Variants in NFIA observed in about 807,000 individuals in gnomAD.
NFIA encodes the protein nuclear factor I A, also known as nuclear factor 1 A-type.
NFIA carries 8 observed loss-of-function variants against 62.8 expected under a neutral mutation model. The observed-to-expected ratio is 0.13, with a 90% confidence interval of 0.07 to 0.23. The LOEUF (loss-of-function observed/expected upper bound fraction) is 0.23, where lower values mean the gene tolerates loss of function less well. Ranked by LOEUF, NFIA falls within the 10% of genes least tolerant of loss-of-function variation. NFIA has a pLI of 1.00. For synonymous variants in NFIA, 235 were observed against 238.1 expected (o/e 0.99, Z 0.12); for missense variants, 410 against 642.1 (o/e 0.64, Z 3.91).
intron 2 of NFIA, among the ~76,000 whole-genome samples, chr1:61,102,066 G>T (rs1204944197): frequency 6.6e-6 from 1 of 152,150 alleles, no homozygotes; most frequent in Non-Finnish European, 1.5e-5. Flanking sequence ...ATAGAGCACA[G>T]AACAAATTAT....
intron 2 of NFIA, among the ~76,000 whole-genome samples, chr1:61,141,383 C>T (rs1472590258): frequency 5.3e-5 from 8 of 150,694 alleles, no homozygotes; most frequent in African/African-American, 9.8e-5. Context: ...AACCAGAAAC[C>T]GGGCATCATC....
Position 61,359,883 on chromosome 1 carries a change from G to A in NFIA, c.946+609G>A, listed in dbSNP as rs372451510. On this transcript the variant is annotated intron_variant, in intron 6 of 10. Transcript: ENST00000403491. Reference sequence around the variant, plus strand: ...CCTGACCTTGTGATTCACCCACCTCGGCCTCCCAATTGTTTTTGTTTTTAT... The same window carrying A: ...CCTGACCTTGTGATTCACCCACCTCAGCCTCCCAATTGTTTTTGTTTTTAT... Among the ~76,000 whole-genome samples, 310 of 152,124 alleles carry A rather than the reference G, an allele frequency of 2.0e-3. 1 individual carries two copies. Among genetic ancestry groups the A allele is most frequent in the African/African-American group, 6.8e-3 (281 of 41,516 alleles).
At chr1:61,161,658 A>G (rs541548944) in intron 2 of NFIA, among the ~76,000 whole-genome samples, 3 of 151,952 alleles carry the variant, frequency 2.0e-5, no homozygotes, top group Non-Finnish European at 4.4e-5. Flanking sequence ...TGACTTTATG[A>G]TGAGTTTATC....
At chr1:61,396,360 C>T (rs1429542914) in intron 7 of NFIA, among the ~76,000 whole-genome samples, 1 of 152,110 alleles carries the variant, frequency 6.6e-6, no homozygotes, top group Non-Finnish European at 1.5e-5. Flanking sequence ...ATCCTCCCAC[C>T]TCAGCCTCCA....
intron 6 of NFIA, among the ~76,000 whole-genome samples, chr1:61,382,846 G>T (rs1331819376): frequency 6.6e-6 from 1 of 152,126 alleles, no homozygotes; most frequent in Non-Finnish European, 1.5e-5. Context: ...TCAAAGCAAG[G>T]TAACCAACAA....
upstream of NFIA, chr1:61,081,745 T>C: frequency 7.9e-6 from 7 of 888,684 alleles, no homozygotes; most frequent in South Asian, 1.2e-4. Flanking sequence ...CACTGATTCC[T>C]CACCACCCCC....
intron 2 of NFIA, among the ~76,000 whole-genome samples, chr1:61,190,996 A>G (rs140521132): frequency 2.7e-3 from 410 of 152,158 alleles, no homozygotes; most frequent in African/African-American, 9.2e-3. Flanking sequence ...TGACACCACA[A>G]TAAATTAAAG....
Position 61,088,277 on chromosome 1 carries a change from A to G in NFIA, c.156A>G (p.Glu52=). 6.2e-7 allele frequency: 1 copy of G among 1,613,720 alleles called. No homozygotes were observed. Among genetic ancestry groups the G allele is most frequent in the South Asian group, 1.1e-5 (1 of 91,054 alleles). ...KKHEKRMSKE[E]ERAVKDELLS... ...ATGAAAAGCGTATGTCAAAAGAAGA[A>G]GAGAGAGCCGTGAAGGATGAATTGC... Residue 52 remains glutamate (E), a synonymous_variant, in exon 2 of 11, where the codon GAA becomes GAG. Transcript: ENST00000403491. The surrounding 1 kb of genome is among the most constrained non-coding windows in gnomAD (Gnocchi z 4.5).
At chr1:61,311,827 T>A (rs1660134776) in intron 3 of NFIA, among the ~76,000 whole-genome samples, 1 of 152,188 alleles carries the variant, frequency 6.6e-6, no homozygotes, top group African/African-American at 2.4e-5. Flanking sequence ...GTCTTAACCG[T>A]TAATGTTTGA....
chr1:61,189,433 G>A (rs1163402230), intron 2 of NFIA, among the ~76,000 whole-genome samples: 2 of 152,152 alleles, frequency 1.3e-5, no homozygotes, highest in Non-Finnish European at 2.9e-5. Flanking sequence ...TTGGGAGGCC[G>A]AGGTGGGCTG....
At chr1:61,082,450 G>GCAGCTCGCGGGCACCCGGC, upstream of NFIA, 3 of 1,042,188 alleles carry the variant, frequency 2.9e-6, no homozygotes, top group Non-Finnish European at 3.5e-6. Context: ...GGGCGCGCGG[G>GCAGCTCGCGGGCACCCGGC]CAGCTCGCGG....
At chr1:61,281,996 CA>C (rs1047906978) in intron 3 of NFIA, among the ~76,000 whole-genome samples, 2 of 151,394 alleles carry the variant, frequency 1.3e-5, no homozygotes, top group Non-Finnish European at 1.5e-5. Flanking sequence ...AACAAACAAA[CA>C]AAAAAAACAA....
intron 8 of NFIA, among the ~76,000 whole-genome samples, chr1:61,405,565 G>C (rs1665774612): frequency 6.6e-6 from 1 of 152,124 alleles, no homozygotes; most frequent in Admixed American, 6.6e-5. Context: ...AATGTGAACT[G>C]TTGTCGTTGG....
At chr1:61,269,037 T>C (rs1412765887) in intron 2 of NFIA, among the ~76,000 whole-genome samples, 1 of 152,158 alleles carries the variant, frequency 6.6e-6, no homozygotes, top group Non-Finnish European at 1.5e-5. Context: ...TTTTAGCTGC[T>C]GATGCATACA....
intron 3 of NFIA, among the ~76,000 whole-genome samples, chr1:61,285,581 T>C (rs1361441519): frequency 6.6e-6 from 1 of 152,186 alleles, no homozygotes; most frequent in Non-Finnish European, 1.5e-5. Flanking sequence ...TTTTCTCTTC[T>C]TCAGGTTTTA....
intron 10 of NFIA, 141 bp downstream of exon 10, chr1:61,426,697 T>C: frequency 1.5e-6 from 1 of 674,304 alleles, no homozygotes; most frequent in African/African-American, 1.8e-5. Context: ...CCAGCCACAT[T>C]TCCATGTGTT....
intron 2 of NFIA, among the ~76,000 whole-genome samples, chr1:61,263,837 A>C (rs374472601): frequency 6.6e-6 from 1 of 152,136 alleles, no homozygotes; most frequent in Non-Finnish European, 1.5e-5. Flanking sequence ...TAAAAATACA[A>C]AAATTAGCTG....
intron 2 of NFIA, among the ~76,000 whole-genome samples, chr1:61,210,244 G>A (rs1004754113): frequency 6.6e-6 from 1 of 152,202 alleles, no homozygotes; most frequent in Non-Finnish European, 1.5e-5. Context: ...CAAAAGGAAG[G>A]TTGGTAAGCT....
Position 61,458,211 on chromosome 1 carries a change from G to GAAAAAAAAAAAAAAAAA in NFIA, c.*2902_*2903insAAAAAAAAAAAAAAAAA, listed in dbSNP as rs60042926. 2 of 134,508 alleles carry GAAAAAAAAAAAAAAAAA rather than the reference G, an allele frequency of 1.5e-5. No homozygotes were observed. Among genetic ancestry groups the GAAAAAAAAAAAAAAAAA allele is most frequent in the Non-Finnish European group, 1.6e-5 (1 of 60,670 alleles). The allele number at this position is 134,508 out of a possible 1,614,324, so 8.3% of individuals were successfully genotyped here. A position where few individuals can be genotyped will look rare whatever the true frequency, so the allele number is the denominator to read the frequency against. On this transcript the variant is annotated 3_prime_UTR_variant, in exon 11 of 11. Transcript: ENST00000403491. ...TAAAAAATGAAAAAAAGGAAAAAAA[G>GAAAAAAAAAAAAAAAAA]AAAAAAAAAAAGAAAAAATAGCAGC...
Sources: gnomAD v4.1 joint callset for allele counts (sites outside exome capture counted in the v4.1 genomes callset) on GRCh38, gnomAD v4.1.1 for gene constraint, Gnocchi (gnomAD v3.1) non-coding constraint, MANE v1.5 for transcripts, NCBI Gene and HGNC (gene_info 2026-07-23, HGNC 2026-07-21) for gene names.